The following PTPN4 variants were observed in gnomAD, a reference collection of about 807,000 sequenced individuals.
The protein encoded by PTPN4 is protein tyrosine phosphatase non-receptor type 4, also known as tyrosine-protein phosphatase non-receptor type 4.
PTPN4 carries 49 observed loss-of-function variants against 135.5 expected under a neutral mutation model. The ratio of observed to expected loss-of-function variants is 0.36; its 90% CI spans 0.29 to 0.46. The LOEUF is 0.46. Ranked by LOEUF, PTPN4 falls within the 20% of genes least tolerant of loss-of-function variation. The probability of loss-of-function intolerance (pLI) is 1.00; values close to 1 mark genes in which losing one functional copy is unlikely to be tolerated. For missense variants in PTPN4, 860 were observed against 1,101.0 expected (o/e 0.78, Z 3.10); for synonymous variants, 333 against 369.9 (o/e 0.90, Z 1.14).
intron 19 of PTPN4, among the ~76,000 whole-genome samples, chr2:119,953,440 A>T (rs528963237): frequency 6.6e-6 from 1 of 152,202 alleles, no homozygotes; most frequent in South Asian, 2.1e-4. Context: ...GTTCTTTTCC[A>T]TTAATGGTCT....
intron 2 of PTPN4, among the ~76,000 whole-genome samples, chr2:119,844,162 C>G (rs1177555957): frequency 8.5e-6 from 1 of 118,232 alleles, no homozygotes; most frequent in Non-Finnish European, 1.8e-5. Context: ...CCGACGCCCC[C>G]CACCTCCCTC....
intron 1 of PTPN4, among the ~76,000 whole-genome samples, chr2:119,781,975 C>T (rs1690948234): frequency 6.6e-6 from 1 of 152,010 alleles, no homozygotes; most frequent in Non-Finnish European, 1.5e-5. Context: ...CATTTATTTA[C>T]TCAATTTTAG....
intron 3 of PTPN4, among the ~76,000 whole-genome samples, chr2:119,865,492 G>A (rs1677819220): frequency 6.6e-6 from 1 of 152,040 alleles, no homozygotes; most frequent in Non-Finnish European, 1.5e-5. Context: ...AAGTAGCTGA[G>A]AAAGGACTTG....
At chr2:119,936,770 G>A (rs1022361753) in intron 15 of PTPN4, among the ~76,000 whole-genome samples, 1 of 152,100 alleles carries the variant, frequency 6.6e-6, no homozygotes, top group African/African-American at 2.4e-5. Context: ...GGGTAGCTTG[G>A]AACTGTGAAG....
At chr2:119,805,273 G>C (rs554378092) in intron 1 of PTPN4, among the ~76,000 whole-genome samples, 1 of 152,262 alleles carries the variant, frequency 6.6e-6, no homozygotes, top group African/African-American at 2.4e-5. Context: ...TTGCTGTGCA[G>C]AAGTTCTTTA....
At chr2:119,976,189 G>T (rs1333316474) in intron 26 of PTPN4, among the ~76,000 whole-genome samples, 1 of 151,646 alleles carries the variant, frequency 6.6e-6, no homozygotes, top group African/African-American at 2.4e-5. Context: ...AGTAGAGACG[G>T]GGTTTCACCG....
chr2:119,777,465 GT>G (rs2104925633), intron 1 of PTPN4, among the ~76,000 whole-genome samples: 1 of 152,032 alleles, frequency 6.6e-6, no homozygotes, highest in South Asian at 2.1e-4. Flanking sequence ...CCTTTATCTT[GT>G]TTTGTTTGTC....
chr2:119,840,344 A>G (rs1015732161), intron 2 of PTPN4, among the ~76,000 whole-genome samples: 2 of 152,120 alleles, frequency 1.3e-5, no homozygotes, highest in Admixed American at 6.5e-5. Flanking sequence ...TCCCACTTAC[A>G]AGTGAGAACA....
intron 2 of PTPN4, among the ~76,000 whole-genome samples, chr2:119,837,564 G>A (rs1219791473): frequency 6.6e-6 from 1 of 152,212 alleles, no homozygotes; most frequent in East Asian, 1.9e-4. Flanking sequence ...CAAGAACTCT[G>A]GACCTGCTGA....
At chr2:119,941,977 T>A (rs1325535643) in intron 15 of PTPN4, among the ~76,000 whole-genome samples, 1 of 152,206 alleles carries the variant, frequency 6.6e-6, no homozygotes, top group Non-Finnish European at 1.5e-5. Flanking sequence ...TGCAGGCCCA[T>A]TCTTTCCGGA....
At chr2:119,799,657 A>T (rs1691325998) in intron 1 of PTPN4, among the ~76,000 whole-genome samples, 1 of 152,158 alleles carries the variant, frequency 6.6e-6, no homozygotes, top group African/African-American at 2.4e-5. Context: ...TTCACCCCAG[A>T]ATTCACTCTT....
At chr2:119,970,041 T>C (rs1679506842) in intron 26 of PTPN4, among the ~76,000 whole-genome samples, 1 of 152,128 alleles carries the variant, frequency 6.6e-6, no homozygotes, top group Non-Finnish European at 1.5e-5. Context: ...ATTGCTACTA[T>C]ATAACTTTTA....
intron 1 of PTPN4, among the ~76,000 whole-genome samples, chr2:119,764,379 A>G (rs1690569474): frequency 6.6e-6 from 1 of 152,246 alleles, no homozygotes; most frequent in South Asian, 2.1e-4. Context: ...AAGACTTTCT[A>G]CCAACTTCAT....
At chr2:119,953,479 G>A (rs770139834) in intron 19 of PTPN4, among the ~76,000 whole-genome samples, 1 of 152,046 alleles carries the variant, frequency 6.6e-6, no homozygotes, top group African/African-American at 2.4e-5. Flanking sequence ...AGATTAAAAG[G>A]ACTTCAACAG....
intron 2 of PTPN4, among the ~76,000 whole-genome samples, chr2:119,832,488 T>C (rs1281990269): frequency 6.6e-6 from 1 of 152,076 alleles, no homozygotes; most frequent in Admixed American, 6.5e-5. Flanking sequence ...TGAGAAAGTT[T>C]CTCCTATTTT....
chr2:119,865,572 G>T (rs1045988521), intron 3 of PTPN4, among the ~76,000 whole-genome samples: 4 of 151,994 alleles, frequency 2.6e-5, no homozygotes, highest in Non-Finnish European at 5.9e-5. Context: ...TGATGATATA[G>T]ATGCATAGGA....
chr2:119,918,676 C>A (rs1678693792), intron 11 of PTPN4, among the ~76,000 whole-genome samples: 1 of 152,094 alleles, frequency 6.6e-6, no homozygotes, highest in South Asian at 2.1e-4. Flanking sequence ...TATTGATCTA[C>A]CCATTTTGGA....
chr2:119,901,461 GT>G (rs1297935124), intron 10 of PTPN4, among the ~76,000 whole-genome samples: 3 of 152,160 alleles, frequency 2.0e-5, no homozygotes. Flanking sequence ...GACACCTACG[GT>G]TTGTACACAA....
At chr2:119,925,010 T>A (rs1574407114) in intron 12 of PTPN4, among the ~76,000 whole-genome samples, 1 of 151,752 alleles carries the variant, frequency 6.6e-6, no homozygotes, top group Non-Finnish European at 1.5e-5. Flanking sequence ...TGGGCTGGAG[T>A]CCACAAACTA....
Sources: gnomAD v4.1 joint callset for allele counts (sites outside exome capture counted in the v4.1 genomes callset) on GRCh38, gnomAD v4.1.1 for gene constraint, MANE v1.5 for transcripts, NCBI Gene and HGNC (gene_info 2026-07-23, HGNC 2026-07-21) for gene names.